The following ARHGEF4 variants were observed in gnomAD, a reference collection of about 807,000 sequenced individuals.
The protein encoded by ARHGEF4 is Rho guanine nucleotide exchange factor 4, also known as APC-stimulated guanine nucleotide exchange factor 1.
In ARHGEF4, 119 loss-of-function variants were observed where a neutral mutation model predicts 162.0. That is an observed-to-expected ratio of 0.73 (90% confidence interval 0.63 to 0.86). The LOEUF (loss-of-function observed/expected upper bound fraction) is 0.86. Ranked by LOEUF, ARHGEF4 falls within the 40% of genes least tolerant of loss-of-function variation. The pLI is 0.00. For synonymous variants in ARHGEF4, 1,014 were observed against 979.9 expected, an observed-to-expected ratio of 1.03 and a Z score of -0.65; for missense variants, 2,488 against 2,456.0, an observed-to-expected ratio of 1.01 and a Z score of -0.28.
At chr2:130,991,403 C>G (rs1686946991) in intron 4 of ARHGEF4, among the ~76,000 whole-genome samples, 1 of 152,232 alleles carries the variant, frequency 6.6e-6, no homozygotes, top group Admixed American at 6.5e-5. Context: ...TCTGGGCTGG[C>G]CAAGGCCGGA....
At chr2:130,983,672 T>C (rs1686271566) in intron 4 of ARHGEF4, among the ~76,000 whole-genome samples, 1 of 152,018 alleles carries the variant, frequency 6.6e-6, no homozygotes, top group Non-Finnish European at 1.5e-5. Context: ...TTTTTTGAGA[T>C]GGAGTCTTGC....
chr2:130,977,701 TG>T (rs1182779028), intron 4 of ARHGEF4, among the ~76,000 whole-genome samples: 9 of 151,906 alleles, frequency 5.9e-5, no homozygotes, highest in Non-Finnish European at 7.4e-5. Context: ...TGTGCAAACG[TG>T]TTTTTTTTGC....
intron 1 of ARHGEF4, among the ~76,000 whole-genome samples, chr2:130,843,932 G>A (rs554787946): frequency 3.9e-5 from 6 of 152,204 alleles, no homozygotes; most frequent in African/African-American, 1.2e-4. Flanking sequence ...GTGGAGCACA[G>A]CCCTGCTCTC....
At chr2:130,847,557 G>A (rs1255626182) in intron 1 of ARHGEF4, among the ~76,000 whole-genome samples, 1 of 152,190 alleles carries the variant, frequency 6.6e-6, no homozygotes, top group East Asian at 1.9e-4. Context: ...TGACGTTTGT[G>A]GAATGTTCCT....
chr2:130,850,667 C>A (rs1271130686), intron 1 of ARHGEF4, among the ~76,000 whole-genome samples: 5 of 152,244 alleles, frequency 3.3e-5, no homozygotes, highest in Non-Finnish European at 7.3e-5. Context: ...TGCAGTGGGC[C>A]ACAGGGTGGT....
intron 4 of ARHGEF4, among the ~76,000 whole-genome samples, chr2:130,950,045 C>T (rs985760262): frequency 6.6e-6 from 1 of 152,242 alleles, no homozygotes; most frequent in Non-Finnish European, 1.5e-5. Context: ...TTAAGTAGCA[C>T]TGGAAGTGAC....
At chr2:130,958,796 G>A (rs11904810) in intron 4 of ARHGEF4, among the ~76,000 whole-genome samples, 6,189 of 152,192 alleles carry the variant, frequency 0.041, 411 homozygotes, top group African/African-American at 0.14. Flanking sequence ...GTGTTCACCA[G>A]TTTCACTGAG....
At chr2:130,988,540 C>G (rs1366511282) in intron 4 of ARHGEF4, among the ~76,000 whole-genome samples, 1 of 152,160 alleles carries the variant, frequency 6.6e-6, no homozygotes, top group African/African-American at 2.4e-5. Context: ...GAAACAATTG[C>G]TATGAACATT....
At chr2:130,896,251 T>C (rs932037374) in intron 1 of ARHGEF4, among the ~76,000 whole-genome samples, 4 of 152,246 alleles carry the variant, frequency 2.6e-5, no homozygotes, top group Non-Finnish European at 4.4e-5. Context: ...TTTCTGTTGT[T>C]CTAGAATACT....
intron 4 of ARHGEF4, among the ~76,000 whole-genome samples, chr2:131,012,704 C>T (rs1688535074): frequency 6.6e-6 from 1 of 152,198 alleles, no homozygotes; most frequent in African/African-American, 2.4e-5. Context: ...CCTCAGCCTC[C>T]TGAGCAGCCG....
intron 4 of ARHGEF4, among the ~76,000 whole-genome samples, chr2:130,975,732 T>A (rs539568924): frequency 7.2e-5 from 11 of 152,162 alleles, no homozygotes; most frequent in Admixed American, 6.5e-4. Flanking sequence ...TCCATGTCTG[T>A]GTATCTTACC....
At chr2:130,949,625 A>G (rs980923082) in intron 4 of ARHGEF4, among the ~76,000 whole-genome samples, 1 of 149,966 alleles carries the variant, frequency 6.7e-6, no homozygotes, top group African/African-American at 2.5e-5. Flanking sequence ...AAGTGCTGGG[A>G]TTACAGGCAT....
chr2:131,032,546 C>T (rs1689921445), intron 5 of ARHGEF4, among the ~76,000 whole-genome samples: 2 of 152,000 alleles, frequency 1.3e-5, no homozygotes, highest in African/African-American at 2.4e-5. Context: ...CTCCATGAGG[C>T]GGGGCAGGAG....
chr2:130,996,633 T>C lies in ARHGEF4; in HGVS notation c.3986-31312T>C, dbSNP rs114274468. Among the ~76,000 whole-genome samples, 1,010 of 152,316 alleles carry C rather than the reference T, an allele frequency of 6.6e-3. 10 individuals are homozygous for C. Among genetic ancestry groups the C allele is most frequent in the African/African-American group, 0.022 (924 of 41,562 alleles). Reference sequence around the variant, plus strand: ...GTGTTGTAAATGTCCCATTGTAAACTGTGTCAGAATTTTGGTGGATGCCTA... The same window carrying C: ...GTGTTGTAAATGTCCCATTGTAAACCGTGTCAGAATTTTGGTGGATGCCTA... On this transcript the variant is annotated intron_variant, in intron 4 of 13. Coordinates refer to ENST00000409359, the MANE Select transcript of ARHGEF4 (RefSeq NM_001367493.1).
intron 1 of ARHGEF4, among the ~76,000 whole-genome samples, chr2:130,898,334 C>T (rs567379838): frequency 3.3e-5 from 5 of 152,286 alleles, no homozygotes; most frequent in African/African-American, 7.2e-5. Context: ...GGTGAAGAAG[C>T]GGGGAGCCTT....
At chr2:131,031,838 G>A (rs1171722033) in intron 5 of ARHGEF4, among the ~76,000 whole-genome samples, 1 of 152,208 alleles carries the variant, frequency 6.6e-6, no homozygotes, top group Non-Finnish European at 1.5e-5. Context: ...TGCCCCTGCA[G>A]TCAGGCCTGA....
intron 4 of ARHGEF4, among the ~76,000 whole-genome samples, chr2:130,982,278 C>T (rs1262501348): frequency 6.6e-6 from 1 of 152,178 alleles, no homozygotes; most frequent in Non-Finnish European, 1.5e-5. Flanking sequence ...GCATGAGCCA[C>T]CATGCCCGGC....
At chr2:131,007,966 C>G (rs544053296) in intron 4 of ARHGEF4, among the ~76,000 whole-genome samples, 30 of 151,700 alleles carry the variant, frequency 2.0e-4, no homozygotes, top group Non-Finnish European at 4.0e-4. Context: ...GCACCCACCA[C>G]CCCGCCCAGC....
intron 4 of ARHGEF4, among the ~76,000 whole-genome samples, chr2:130,978,374 C>G (rs970374565): frequency 1.3e-5 from 2 of 152,220 alleles, no homozygotes; most frequent in East Asian, 3.9e-4. Context: ...CCCTGGTCCA[C>G]ACTTCTGCCA....
Sources: allele counts gnomAD v4.1 joint callset (sites outside exome capture counted in the v4.1 genomes callset), GRCh38; gene constraint gnomAD v4.1.1; transcripts MANE v1.5; gene names NCBI Gene and HGNC (gene_info 2026-07-23, HGNC 2026-07-21).